SLC28A1: variants seen among roughly 807,000 people sequenced by gnomAD.
SLC28A1 encodes sodium/nucleoside cotransporter 1.
A neutral mutation model predicts 74.8 loss-of-function variants in SLC28A1; 64 were observed. That is an observed-to-expected ratio of 0.86 (90% CI 0.70 to 1.05). SLC28A1 has a LOEUF of 1.05. SLC28A1 is among the 50% of genes least tolerant of loss of function. The pLI is 0.00. For synonymous variants in SLC28A1, 359 were observed against 335.0 expected, an observed-to-expected ratio of 1.07 and a Z score of -0.78; for missense variants, 828 against 822.8, an observed-to-expected ratio of 1.01 and a Z score of -0.08.
At chr15:84,949,320 T>C (rs979335763), downstream of SLC28A1, among the ~76,000 whole-genome samples, 11 of 152,208 alleles carry the variant, frequency 7.2e-5, no homozygotes, top group African/African-American at 2.2e-4. Flanking sequence ...GTGATGAGAC[T>C]AAAGATTGGA....
At chr15:84,946,113 T>TATATATATATA (rs1555458478), downstream of SLC28A1, among the ~76,000 whole-genome samples, 2 of 15,492 alleles carry the variant, frequency 1.3e-4, no homozygotes, top group African/African-American at 4.9e-4. Flanking sequence ...TATATATATA[T>TATATATATATA]TTTTTTTTTT....
chr15:84,942,645 A>T (rs1972845844), intron 15 of SLC28A1, among the ~76,000 whole-genome samples: 1 of 152,192 alleles, frequency 6.6e-6, no homozygotes, highest in African/African-American at 2.4e-5. Context: ...CAAGCTGATC[A>T]TTGGTGAGAC....
the SLC28A1 span, among the ~76,000 whole-genome samples, chr15:84,955,530 C>G: frequency 1.3e-5 from 2 of 152,174 alleles, no homozygotes; most frequent in Non-Finnish European, 2.9e-5. Flanking sequence ...GGGGTGGATG[C>G]ATTGGTGGCT....
At chr15:84,962,235 C>T in the SLC28A1 span, among the ~76,000 whole-genome samples, 2 of 151,590 alleles carry the variant, frequency 1.3e-5, no homozygotes, top group Admixed American at 6.6e-5. Context: ...CCACCATGCC[C>T]GGCTAATTTT....
intron 13 of SLC28A1, among the ~76,000 whole-genome samples, chr15:84,934,154 G>A (rs911997376): frequency 6.6e-6 from 1 of 152,148 alleles, no homozygotes; most frequent in Non-Finnish European, 1.5e-5. Context: ...ATGAGTTTCC[G>A]AAGGACAAAC....
the SLC28A1 span, among the ~76,000 whole-genome samples, chr15:84,960,214 C>A: frequency 0.99 from 136,150 of 137,482 alleles, 67,431 homozygotes; most frequent in Non-Finnish European, 0.99. Context: ...TTTCCACTCC[C>A]CTGTGCCTGC....
intron 6 of SLC28A1, chr15:84,895,342 G>A (rs764223917): frequency 6.2e-6 from 10 of 1,613,692 alleles, no homozygotes; most frequent in Non-Finnish European, 8.5e-6. Context: ...TGACTGTGGT[G>A]GACGAAAACT....
At chr15:84,906,581 C>G (rs11636630) in intron 8 of SLC28A1, among the ~76,000 whole-genome samples, 14,227 of 50,544 alleles carry the variant, frequency 0.28, 1,293 homozygotes, top group South Asian at 0.45. Context: ...TTTCTTCCTT[C>G]CTTCCTTCCT....
At chr15:84,914,468 G>A (rs57129316) in intron 9 of SLC28A1, among the ~76,000 whole-genome samples, 31,597 of 152,188 alleles carry the variant, frequency 0.21, 3,585 homozygotes, top group South Asian at 0.47. Context: ...AAGGGGCATG[G>A]CAGGACCTTG....
intron 5 of SLC28A1, among the ~76,000 whole-genome samples, chr15:84,893,765 C>A (rs1965629145): frequency 6.6e-6 from 1 of 152,170 alleles, no homozygotes; most frequent in African/African-American, 2.4e-5. Flanking sequence ...GCCTGCAGAG[C>A]CTCACTGGCT....
chr15:84,960,128 C>T, the SLC28A1 span, among the ~76,000 whole-genome samples: 3 of 151,024 alleles, frequency 2.0e-5, no homozygotes, highest in African/African-American at 7.4e-5. Flanking sequence ...AATACAGTGG[C>T]ACAAAGAGGG....
In SLC28A1 at chr15:84,912,590, C is replaced by T. The variant is rs183595093; in HGVS notation, c.795+3795C>T. Among the ~76,000 whole-genome samples, 8 of 152,218 alleles carry T rather than the reference C, an allele frequency of 5.3e-5. No individual in the cohort carries two copies. In the East Asian group the frequency reaches 1.5e-3, roughly 29 times the overall value. ...TTTCCACCCGCATGATCATACTCCC[C>T]TGGGTCTGGCTGACCCGGGAGCAGA... On this transcript the variant is annotated intron_variant, in intron 9 of 18. Transcript: ENST00000394573.
the SLC28A1 span, among the ~76,000 whole-genome samples, chr15:84,960,228 CTTTTTTTTTTTTTTTTTTT>C: frequency 3.5e-3 from 296 of 85,522 alleles, 36 homozygotes; most frequent in African/African-American, 0.013. Context: ...TGCCTGCCTG[CTTTTTTTTTTTTTTTTTTT>C]TTTTTTTTTT....
At position 84,923,936 on chromosome 15, in the gene SLC28A1, G is replaced by A. The variant is rs757396274; in HGVS notation, c.958-49G>A. 6.2e-6 allele frequency: 10 copies of A among 1,613,400 alleles called. No homozygotes were observed. In the East Asian group the frequency reaches 1.1e-4, roughly 18 times the overall value. On this transcript the variant is annotated intron_variant, in intron 11 of 18. Transcript: ENST00000394573. ...ACTGTGACCTGTGAAGGGAGAGGAT[G>A]TGCCCAATCACCCCCACCCTGCTTG...
At chr15:84,962,623 G>A in the SLC28A1 span, among the ~76,000 whole-genome samples, 3 of 151,606 alleles carry the variant, frequency 2.0e-5, 1 homozygote, top group Middle Eastern at 6.9e-3. Context: ...ATTTTTAGTA[G>A]AGATGGGGTT....
At chr15:84,930,081 T>A (rs1971093388) in intron 12 of SLC28A1, among the ~76,000 whole-genome samples, 1 of 152,208 alleles carries the variant, frequency 6.6e-6, no homozygotes, top group African/African-American at 2.4e-5. Context: ...ACTGCAGCAT[T>A]TGAGGCTGTG....
chr15:84,904,041 T>C (rs1278075513), intron 6 of SLC28A1, 56 bp from the exon 7 acceptor site: 7 of 1,611,824 alleles, frequency 4.3e-6, no homozygotes, highest in Middle Eastern at 1.7e-4. Flanking sequence ...CTATTGTGTG[T>C]GGGTGGGGTG....
intron 9 of SLC28A1, 42 bp from the exon 10 acceptor site, chr15:84,918,482 G>C: frequency 1.3e-6 from 2 of 1,539,554 alleles, no homozygotes; most frequent in Non-Finnish European, 1.8e-6. Flanking sequence ...CCTGCATCCT[G>C]CCTGCCTCTA....
chr15:84,947,564 C>G (rs1275574498), downstream of SLC28A1, among the ~76,000 whole-genome samples: 2 of 152,226 alleles, frequency 1.3e-5, no homozygotes, highest in African/African-American at 4.8e-5. Flanking sequence ...TTATAAACAA[C>G]AGAAATGTAT....
Sources: allele counts gnomAD v4.1 joint callset (sites outside exome capture counted in the v4.1 genomes callset), GRCh38; gene constraint gnomAD v4.1.1; transcripts MANE v1.5; gene names NCBI Gene and HGNC (gene_info 2026-07-23, HGNC 2026-07-21).